The following BCL9 variants were observed in gnomAD, a reference collection of about 807,000 sequenced individuals.
BCL9 encodes B-cell CLL/lymphoma 9 protein.
In BCL9, 25 loss-of-function variants were observed where a neutral mutation model predicts 88.5. The ratio of observed to expected loss-of-function variants is 0.28; its 90% CI spans 0.21 to 0.39. BCL9 has a LOEUF of 0.39. BCL9 is among the 10% of genes least tolerant of loss of function. The pLI is 1.00. For synonymous variants in BCL9, 711 were observed against 673.3 expected (o/e 1.06, Z -0.87); for missense variants, 1,817 against 1,877.8 (o/e 0.97, Z 0.60).
Position 147,625,584 on chromosome 1 carries a change from G to A in BCL9, c.*625G>A. ...AAAAAGGAACTAAGTTCAGCGAGGG[G>A]TGGGGGGAGGGGGGAGATTTTTCTT... On this transcript the variant is annotated 3_prime_UTR_variant, in exon 10 of 10. Transcript: ENST00000234739. 9.7e-6 allele frequency: 1 copy of A among 103,456 alleles called. No homozygotes were observed. The highest frequency in any genetic ancestry group is 1.8e-5 in the Non-Finnish European group (1 of 55,828). 6.4% of individuals were successfully genotyped at this position (103,456 alleles called of 1,614,324 possible). A position where few individuals can be genotyped will look rare whatever the true frequency, so the allele number is the denominator to read the frequency against.
At chr1:147,570,936 A>T (rs587659013) in intron 1 of BCL9, among the ~76,000 whole-genome samples, 2 of 151,470 alleles carry the variant, frequency 1.3e-5, no homozygotes, top group Non-Finnish European at 2.9e-5. Flanking sequence ...TGCCCAGCCC[A>T]TTGACTGATT....
rs1553196075 is a variant in BCL9 at position 147,561,304 on chromosome 1, G to A, written c.-478+19630G>A. Reference sequence around the variant, plus strand: ...GGGATTGAAGGACCATGGATAGCGGGGAGGCACAGACATGGAATCTATGTC... The same window carrying A: ...GGGATTGAAGGACCATGGATAGCGGAGAGGCACAGACATGGAATCTATGTC... On this transcript the variant is annotated intron_variant, in intron 1 of 9. Coordinates refer to ENST00000234739, the MANE Select transcript of BCL9 (RefSeq NM_004326.4). Among the ~76,000 whole-genome samples the A allele has an allele frequency of 5.3e-5, 8 of 152,330 alleles. No homozygotes were observed. The South Asian group carries it at 1.4e-3, about 28-fold the overall frequency.
Position 147,624,269 on chromosome 1 carries a change from C to T in BCL9, c.3591C>T (p.Gly1197=), listed in dbSNP as rs1405996143. The change falls in exon 10 of 10, where the codon GGC becomes GGT. Residue 1197 remains glycine (G), a synonymous_variant. Coordinates refer to ENST00000234739, the MANE Select transcript of BCL9 (RefSeq NM_004326.4). This position sits in a 1 kb window ranked among gnomAD's most constrained non-coding sequence, Gnocchi z 4.4. Reference sequence around the variant, plus strand: ...ATGCAGCACTTTGCAAGCCTGGAGGCCCCGGGGGTCCTGACTCCTTCACTG... The same window carrying T: ...ATGCAGCACTTTGCAAGCCTGGAGGTCCCGGGGGTCCTGACTCCTTCACTG... The part of the protein sequence containing the change: ...SADAALCKPG[G]PGGPDSFTVL... 3 of 1,614,220 alleles carry T rather than the reference C, an allele frequency of 1.9e-6. No individual in the cohort carries two copies. The highest frequency in any genetic ancestry group is 2.5e-6 in the Non-Finnish European group (3 of 1,180,032).
intron 1 of BCL9, among the ~76,000 whole-genome samples, chr1:147,594,277 CAG>C (rs1553200259): frequency 6.6e-6 from 1 of 152,114 alleles, no homozygotes; most frequent in African/African-American, 2.4e-5. Context: ...ATCTTGGAAA[CAG>C]AAAACAAGAA....
intron 1 of BCL9, among the ~76,000 whole-genome samples, chr1:147,569,348 C>G (rs76915123): frequency 0.048 from 7,331 of 151,542 alleles, 217 homozygotes; most frequent in East Asian, 0.055. Flanking sequence ...TTTAAACTTG[C>G]CTGGGTAACT....
Position 147,570,630 on chromosome 1 carries a change from C to CTTTTCTTTTTTTTTTTTTTTTTT in BCL9, c.-478+28960_-478+28961insCTTTTTTTTTTTTTTTTTTTTTT, listed in dbSNP as rs1357272075. On this transcript the variant is annotated intron_variant, in intron 1 of 9. Transcript: ENST00000234739. Reference sequence around the variant, plus strand: ...TAACACAAAATTGTTGACTGATTTTCTTTTTTTTCTTTTTTTTTTTTGTAG... The same window carrying CTTTTCTTTTTTTTTTTTTTTTTT: ...TAACACAAAATTGTTGACTGATTTTCTTTTCTTTTTTTTTTTTTTTTTTTTTTTTTTCTTTTTTTTTTTTGTAG... Among the ~76,000 whole-genome samples, 2 of 15,184 alleles carry CTTTTCTTTTTTTTTTTTTTTTTT rather than the reference C, an allele frequency of 1.3e-4. 1 individual carries two copies. 10.0% of individuals were successfully genotyped at this position (15,184 alleles called of 152,430 possible).
At chr1:147,548,604 T>C (rs1298618627) in intron 1 of BCL9, among the ~76,000 whole-genome samples, 3 of 152,168 alleles carry the variant, frequency 2.0e-5, no homozygotes, top group African/African-American at 7.2e-5. Context: ...AAGATTGGGA[T>C]TGTTTGTAGT....
chr1:147,586,330 T>C (rs587707590), intron 1 of BCL9, among the ~76,000 whole-genome samples: 72 of 152,212 alleles, frequency 4.7e-4, no homozygotes, highest in African/African-American at 1.7e-3. Context: ...CCTGGACTAC[T>C]GTAATAGCCG....
At chr1:147,612,834 A>G (rs782324362) in intron 4 of BCL9, 49 bp from the exon 5 acceptor site, 1 of 1,581,664 alleles carries the variant, frequency 6.3e-7, no homozygotes, top group East Asian at 2.2e-5. Flanking sequence ...ATTTGTGCTG[A>G]CCAGCTGTAT....
chr1:147,605,910 G>C lies in BCL9; in HGVS notation c.-342-874G>C, dbSNP rs116128741. Among the ~76,000 whole-genome samples the C allele has an allele frequency of 1.1e-3, 168 of 152,328 alleles. 2 individuals carry two copies. Among genetic ancestry groups the C allele is most frequent in the African/African-American group, 3.9e-3 (163 of 41,568 alleles). On this transcript the variant is annotated intron_variant, in intron 2 of 9. Coordinates refer to ENST00000234739, the MANE Select transcript of BCL9 (RefSeq NM_004326.4). ...TGGACTTCTTAGAGCAGGGAAATGG[G>C]AAAGCATCATTGAAAGAGTTGAAAT...
chr1:147,624,438 C>G lies in BCL9; in HGVS notation c.3760C>G (p.Arg1254Gly), dbSNP rs782287499. ...CAGCCAGACGCTGCAATATTTCCCT[C>G]GAGGGGAAGTTCCAGGCCGTAAACA... ...KPSQTLQYFP[R>G]GEVPGRKQPQ... is the part of the protein sequence containing the mutation. The change falls in exon 10 of 10, where the codon CGA becomes GGA. Residue 1254 changes from arginine (R) to glycine (G), a missense_variant. Coordinates refer to ENST00000234739, the MANE Select transcript of BCL9 (RefSeq NM_004326.4). The surrounding 1 kb of genome is among the most constrained non-coding windows in gnomAD (Gnocchi z 4.4). 1.2e-6 allele frequency: 2 copies of G among 1,614,188 alleles called. No individual in the cohort carries two copies. Among genetic ancestry groups the G allele is most frequent in the Non-Finnish European group, 1.7e-6 (2 of 1,180,034 alleles).
At chr1:147,595,054 T>A (rs1481806442) in intron 1 of BCL9, among the ~76,000 whole-genome samples, 1 of 152,186 alleles carries the variant, frequency 6.6e-6, no homozygotes, top group Admixed American at 6.5e-5. Flanking sequence ...GAAGTGTGGA[T>A]AGAATTTGGA....
chr1:147,583,479 T>C (rs1291967087), intron 1 of BCL9, among the ~76,000 whole-genome samples: 2 of 151,428 alleles, frequency 1.3e-5, no homozygotes, highest in Non-Finnish European at 2.9e-5. Context: ...GGTTTCACCA[T>C]GTTGGCCAGG....
chr1:147,608,764 G>A (rs1170170584), intron 3 of BCL9, among the ~76,000 whole-genome samples: 3 of 152,136 alleles, frequency 2.0e-5, no homozygotes, highest in African/African-American at 7.2e-5. Context: ...CTTAACACTG[G>A]AGTGCTTACA....
Position 147,622,271 on chromosome 1 carries a change from G to C in BCL9, c.2903G>C (p.Gly968Ala). 6.2e-7 allele frequency: 1 copy of C among 1,613,824 alleles called. No individual in the cohort carries two copies. The highest frequency in any genetic ancestry group is 8.5e-7 in the Non-Finnish European group (1 of 1,179,898). Residue 968 changes from glycine (G) to alanine (A), a missense_variant and splice_region_variant, in exon 9 of 10, where the codon GGT becomes GCT. Physicochemically the swap from Gly to Ala is moderately conservative, Grantham distance 60. Around this residue, in one of 2 missense-constraint regions of BCL9, gnomAD observed 589 missense variants for 686.2 expected, o/e 0.86. Coordinates refer to ENST00000234739, the MANE Select transcript of BCL9 (RefSeq NM_004326.4). ...TTTGTTTTATTTTGCTTCCTTTTAG[G>C]TGGCCCCCCACCTCCTACAGCCAGC... ...SPAMLGNVESGGPPPPTASQP... is the reference protein window; with the variant it reads ...SPAMLGNVESAGPPPPTASQP...
chr1:147,608,195 A>T (rs1224112414), intron 3 of BCL9, among the ~76,000 whole-genome samples: 1 of 152,148 alleles, frequency 6.6e-6, no homozygotes, highest in African/African-American at 2.4e-5. Flanking sequence ...GGTCACTATG[A>T]TCTGGGGGTG....
At chr1:147,554,639 T>C (rs1405170203) in intron 1 of BCL9, among the ~76,000 whole-genome samples, 1 of 152,236 alleles carries the variant, frequency 6.6e-6, no homozygotes, top group Non-Finnish European at 1.5e-5. Flanking sequence ...GTCTGGGCTA[T>C]TGAGAAGTCC....
intron 1 of BCL9, among the ~76,000 whole-genome samples, chr1:147,575,733 C>G (rs1213159882): frequency 1.3e-5 from 2 of 152,124 alleles, no homozygotes; most frequent in Non-Finnish European, 2.9e-5. Flanking sequence ...CTACTTAATG[C>G]TTCAGCCTGA....
intron 8 of BCL9, 92 bp from the exon 9 acceptor site, chr1:147,622,179 C>G: frequency 5.3e-6 from 8 of 1,504,332 alleles, no homozygotes; most frequent in Non-Finnish European, 6.3e-6. Flanking sequence ...CTGTCTCATT[C>G]CTGGCCTTGC....
Sources: gnomAD v4.1 joint callset for allele counts (sites outside exome capture counted in the v4.1 genomes callset) on GRCh38, gnomAD v4.1.1 for gene constraint, gnomAD v4.1.1 regional missense constraint, Gnocchi (gnomAD v3.1) non-coding constraint, MANE v1.5 for transcripts, NCBI Gene and HGNC (gene_info 2026-07-23, HGNC 2026-07-21) for gene names.